The following AGTPBP1 variants were observed in gnomAD, a reference collection of about 807,000 sequenced individuals.
AGTPBP1 encodes ATP/GTP binding carboxypeptidase 1, also known as cytosolic carboxypeptidase 1.
Under a neutral mutation model 143.9 loss-of-function variants are expected in AGTPBP1, and 70 were observed. The ratio of observed to expected loss-of-function variants is 0.49; its 90% CI spans 0.40 to 0.59. The LOEUF is 0.59. AGTPBP1 is among the 20% of genes least tolerant of loss of function. The pLI is 0.00. For missense variants in AGTPBP1, 1,229 were observed against 1,464.5 expected, an observed-to-expected ratio of 0.84 and a Z score of 2.62; for synonymous variants, 463 against 500.2, an observed-to-expected ratio of 0.93 and a Z score of 0.99.
chr9:85,576,495 A>G (rs1246170016), intron 24 of AGTPBP1, among the ~76,000 whole-genome samples: 4 of 152,208 alleles, frequency 2.6e-5, no homozygotes, highest in African/African-American at 9.6e-5. Context: ...ATTCTAGGAA[A>G]TATGACCTGA....
chr9:85,739,460 G>T (rs1824071311), intron 1 of AGTPBP1, among the ~76,000 whole-genome samples: 1 of 152,178 alleles, frequency 6.6e-6, no homozygotes, highest in African/African-American at 2.4e-5. Context: ...TGTAATCCCA[G>T]GACTTTGGGA....
At chr9:85,740,003 CAAA>C (rs539664181) in intron 1 of AGTPBP1, among the ~76,000 whole-genome samples, 2 of 113,638 alleles carry the variant, frequency 1.8e-5, no homozygotes, top group Non-Finnish European at 3.7e-5. Flanking sequence ...GACTCCGTCT[CAAA>C]AAAAAAAAAA....
intron 21 of AGTPBP1, 74 bp from the exon 22 acceptor site, chr9:85,587,034 A>G: frequency 6.4e-7 from 1 of 1,558,780 alleles, no homozygotes; most frequent in Non-Finnish European, 8.7e-7. Context: ...TTAAACCCTT[A>G]TATACATATC....
At chr9:85,746,544 G>A (rs1027910319), upstream of AGTPBP1, among the ~76,000 whole-genome samples, 2 of 152,066 alleles carry the variant, frequency 1.3e-5, no homozygotes, top group Non-Finnish European at 2.9e-5. Flanking sequence ...CAGGAGGATA[G>A]CTTGAGCCCA....
At chr9:85,796,959 T>G in the AGTPBP1 span, among the ~76,000 whole-genome samples, 1 of 151,798 alleles carries the variant, frequency 6.6e-6, no homozygotes, top group Non-Finnish European at 1.5e-5. Context: ...CCTAATTTTT[T>G]TATTTTTAGT....
the AGTPBP1 span, among the ~76,000 whole-genome samples, chr9:85,796,997 G>A: frequency 6.6e-6 from 1 of 152,062 alleles, no homozygotes; most frequent in African/African-American, 2.4e-5. Flanking sequence ...GTGTTAGCCA[G>A]GATGGTCTCG....
At chr9:85,708,468 C>T (rs909887978) in intron 2 of AGTPBP1, among the ~76,000 whole-genome samples, 1 of 152,124 alleles carries the variant, frequency 6.6e-6, no homozygotes, top group Non-Finnish European at 1.5e-5. Flanking sequence ...AAAACTCACT[C>T]AATAAGAAAT....
intron 4 of AGTPBP1, among the ~76,000 whole-genome samples, chr9:85,679,407 C>CT (rs373540921): frequency 2.0e-5 from 3 of 151,300 alleles, no homozygotes; most frequent in African/African-American, 2.4e-5. Flanking sequence ...TGAAGAAGTT[C>CT]TTTTTTTTCT....
At chr9:85,595,879 G>A (rs1474291029) in intron 18 of AGTPBP1, among the ~76,000 whole-genome samples, 1 of 152,158 alleles carries the variant, frequency 6.6e-6, no homozygotes, top group Non-Finnish European at 1.5e-5. Flanking sequence ...TACAGTCAAA[G>A]ATGAACTGTG....
chr9:85,606,392 GA>G (rs34239208), intron 17 of AGTPBP1, among the ~76,000 whole-genome samples: 27,652 of 129,104 alleles, frequency 0.21, 3,241 homozygotes, highest in East Asian at 0.53. Context: ...ATTAAAAAGA[GA>G]AAAAAAAAAA....
At chr9:85,642,740 A>C in intron 13 of AGTPBP1, 87 bp downstream of exon 13, 1 of 1,055,060 alleles carries the variant, frequency 9.5e-7, no homozygotes, top group East Asian at 2.4e-5. Context: ...AATGGAAAGA[A>C]AATAAAAACA....
chr9:85,591,389 T>C (rs1249890620), intron 19 of AGTPBP1, among the ~76,000 whole-genome samples: 1 of 152,024 alleles, frequency 6.6e-6, no homozygotes, highest in African/African-American at 2.4e-5. Flanking sequence ...GGGTCAAAAC[T>C]GAATCCTAGG....
intron 1 of AGTPBP1, among the ~76,000 whole-genome samples, chr9:85,737,822 G>T (rs1564198927): frequency 6.6e-6 from 1 of 152,046 alleles, no homozygotes; most frequent in Non-Finnish European, 1.5e-5. Context: ...TACCAAACAA[G>T]AATGTCCACA....
intron 1 of AGTPBP1, among the ~76,000 whole-genome samples, chr9:85,717,106 T>C (rs1837754081): frequency 6.6e-6 from 1 of 152,212 alleles, no homozygotes; most frequent in Admixed American, 6.5e-5. Context: ...ACCTATTTAA[T>C]ATTGCAAACT....
At chr9:85,741,360 G>T in intron 1 of AGTPBP1, 1 of 985,348 alleles carries the variant, frequency 1.0e-6, no homozygotes, top group Middle Eastern at 5.2e-4. Flanking sequence ...GCGGGGGAGA[G>T]CGGGGCTGGG....
At chr9:85,704,060 G>C (rs544486059) in intron 2 of AGTPBP1, among the ~76,000 whole-genome samples, 9 of 152,302 alleles carry the variant, frequency 5.9e-5, no homozygotes, top group African/African-American at 2.2e-4. Context: ...GAAAACTAAA[G>C]GTGGCCTTGG....
At chr9:85,581,807 A>T (rs987854975) in intron 23 of AGTPBP1, among the ~76,000 whole-genome samples, 4 of 152,224 alleles carry the variant, frequency 2.6e-5, no homozygotes, top group Non-Finnish European at 5.9e-5. Context: ...CAAATACATG[A>T]TTTAACTTCA....
chr9:85,682,874 T>A (rs1835273862), intron 3 of AGTPBP1, among the ~76,000 whole-genome samples: 1 of 152,186 alleles, frequency 6.6e-6, no homozygotes, highest in South Asian at 2.1e-4. Context: ...TTACTCTAAA[T>A]TAGGAGTAAA....
At chr9:85,695,116 T>C (rs1239615598) in intron 2 of AGTPBP1, among the ~76,000 whole-genome samples, 1 of 152,182 alleles carries the variant, frequency 6.6e-6, no homozygotes, top group Admixed American at 6.5e-5. Context: ...TTTTTAACTT[T>C]TATTTTGAAG....
Sources: gnomAD v4.1 joint callset for allele counts (sites outside exome capture counted in the v4.1 genomes callset) on GRCh38, gnomAD v4.1.1 for gene constraint, MANE v1.5 for transcripts, NCBI Gene and HGNC (gene_info 2026-07-23, HGNC 2026-07-21) for gene names.